Variants in ADAMTS14 observed in about 807,000 individuals in gnomAD.
ADAMTS14 encodes the protein A disintegrin and metalloproteinase with thrombospondin motifs 14.
Under a neutral mutation model 128.6 loss-of-function variants are expected in ADAMTS14, and 100 were observed. The observed-to-expected ratio is 0.78, with a 90% CI of 0.66 to 0.92. The LOEUF (loss-of-function observed/expected upper bound fraction) is 0.92, where lower values mean the gene tolerates loss of function less well. ADAMTS14 is among the 40% of genes least tolerant of loss of function. The pLI is 0.00. For synonymous variants in ADAMTS14, 665 were observed against 653.8 expected (o/e 1.02, Z -0.26); for missense variants, 1,562 against 1,658.6 (o/e 0.94, Z 1.01).
intron 2 of ADAMTS14, among the ~76,000 whole-genome samples, chr10:70,675,762 C>T (rs928180626): frequency 4.6e-5 from 7 of 152,208 alleles, no homozygotes; most frequent in Non-Finnish European, 7.3e-5. Context: ...GCTCTCATTC[C>T]CCTCGCTGCT....
At chr10:70,721,231 G>T (rs1305014485) in intron 4 of ADAMTS14, among the ~76,000 whole-genome samples, 2 of 151,608 alleles carry the variant, frequency 1.3e-5, no homozygotes, top group Admixed American at 1.3e-4. Flanking sequence ...CACCATGTTG[G>T]TAAGGCTGGT....
intron 2 of ADAMTS14, among the ~76,000 whole-genome samples, chr10:70,688,020 C>T (rs2132554888): frequency 1.6e-5 from 1 of 62,136 alleles, no homozygotes; most frequent in African/African-American, 6.3e-5. Context: ...AGACGCTCCT[C>T]ACTTCCCAGA....
At chr10:70,743,094 C>T (rs1842057177) in intron 12 of ADAMTS14, among the ~76,000 whole-genome samples, 1 of 152,180 alleles carries the variant, frequency 6.6e-6, no homozygotes, top group Non-Finnish European at 1.5e-5. Context: ...GTTCCTTAAC[C>T]TCTCTGGTCC....
At chr10:70,720,241 A>T (rs1257883740) in intron 4 of ADAMTS14, among the ~76,000 whole-genome samples, 1 of 152,204 alleles carries the variant, frequency 6.6e-6, no homozygotes, top group Non-Finnish European at 1.5e-5. Flanking sequence ...AGCCCTTTAA[A>T]ATATAGGGCA....
chr10:70,731,986 C>A (rs1273082249), intron 6 of ADAMTS14, among the ~76,000 whole-genome samples: 1 of 152,134 alleles, frequency 6.6e-6, no homozygotes, highest in East Asian at 1.9e-4. Flanking sequence ...AGTGTGTTTG[C>A]AGGCCCGGGT....
intron 2 of ADAMTS14, among the ~76,000 whole-genome samples, chr10:70,681,433 G>A (rs1292211992): frequency 2.6e-5 from 4 of 152,200 alleles, no homozygotes; most frequent in Admixed American, 2.0e-4. Flanking sequence ...AGGGAGAATG[G>A]TGAAAATGTA....
At chr10:70,739,108 G>C in intron 11 of ADAMTS14, 118 bp downstream of exon 11, 1 of 1,266,330 alleles carries the variant, frequency 7.9e-7, no homozygotes, top group East Asian at 2.5e-5. Context: ...GGGTGGTTGT[G>C]TATGCTAACG....
chr10:70,725,187 C>T (rs10762400), intron 4 of ADAMTS14, among the ~76,000 whole-genome samples: 2 of 151,786 alleles, frequency 1.3e-5, no homozygotes, highest in Non-Finnish European at 2.9e-5. Flanking sequence ...TAAGAGACTG[C>T]GGTCACTGTC....
chr10:70,693,245 A>ACAT (rs1417947444), intron 2 of ADAMTS14, among the ~76,000 whole-genome samples: 1 of 152,194 alleles, frequency 6.6e-6, no homozygotes, highest in African/African-American at 2.4e-5. Flanking sequence ...CTAACACTGG[A>ACAT]CATCACATTT....
chr10:70,761,254 C>G lies in ADAMTS14; in HGVS notation c.*401C>G, dbSNP rs1252949152. On this transcript the variant is annotated 3_prime_UTR_variant, in exon 22 of 22. Transcript: ENST00000373207. ...GAACTGTGAGGACCCCTGTGGAGGC[C>G]CTGCATATTTGGCCCCTCTCCCCAG... is the stretch of plus-strand genomic sequence containing the variant. 1 of 171,614 alleles carries G rather than the reference C, an allele frequency of 5.8e-6. No individual in the cohort carries two copies. The highest frequency in any genetic ancestry group is 1.2e-5 in the Non-Finnish European group (1 of 80,616). The allele number at this position is 171,614 out of a possible 1,614,324, so 10.6% of individuals were successfully genotyped here.
chr10:70,747,674 C>T (rs1313726725), intron 15 of ADAMTS14, among the ~76,000 whole-genome samples: 2 of 152,160 alleles, frequency 1.3e-5, no homozygotes, highest in East Asian at 3.9e-4. Flanking sequence ...TGCTAGCATC[C>T]GGGGCAGGCC....
At chr10:70,677,619 T>C (rs1043785610) in intron 2 of ADAMTS14, among the ~76,000 whole-genome samples, 1 of 152,112 alleles carries the variant, frequency 6.6e-6, no homozygotes, top group Non-Finnish European at 1.5e-5. Flanking sequence ...TGGGCTGAGC[T>C]TCAGGCTGGA....
intron 3 of ADAMTS14, 105 bp from the exon 4 acceptor site, chr10:70,708,483 G>C: frequency 2.0e-6 from 2 of 1,008,312 alleles, no homozygotes; most frequent in Non-Finnish European, 2.9e-6. Flanking sequence ...TACAGAGGCA[G>C]GGAAAGGGGC....
At chr10:70,729,442 C>G in intron 5 of ADAMTS14, 65 bp downstream of exon 5, 6 of 1,357,724 alleles carry the variant, frequency 4.4e-6, no homozygotes, top group Non-Finnish European at 6.3e-6. Context: ...AGTGTTGGAC[C>G]AGCAATGGTG....
intron 2 of ADAMTS14, among the ~76,000 whole-genome samples, chr10:70,692,412 G>A: frequency 6.6e-6 from 1 of 152,238 alleles, no homozygotes; most frequent in East Asian, 1.9e-4. Flanking sequence ...GTGCCGCACA[G>A]CTGGGAAGGA....
At chr10:70,679,632 C>A (rs1010094955) in intron 2 of ADAMTS14, among the ~76,000 whole-genome samples, 1 of 152,234 alleles carries the variant, frequency 6.6e-6, no homozygotes, top group South Asian at 2.1e-4. Flanking sequence ...TCCCCAGGCC[C>A]TGGGGCCTGA....
chr10:70,707,531 C>T (rs1234254837), intron 3 of ADAMTS14, among the ~76,000 whole-genome samples: 1 of 152,194 alleles, frequency 6.6e-6, no homozygotes, highest in African/African-American at 2.4e-5. Flanking sequence ...CTCCACCGCC[C>T]CAGCAGAGTG....
At position 70,760,670 on chromosome 10, in the gene ADAMTS14, G is replaced by A. The variant is rs750879718; in HGVS notation, c.3489G>A (p.Gln1163=). 1.9e-6 allele frequency: 3 copies of A among 1,614,168 alleles called. No homozygotes were observed. The Admixed American group carries it at 5.0e-5, about 27-fold the overall frequency. The change falls in exon 22 of 22, where the codon CAG becomes CAA. Residue 1163 remains glutamine, a synonymous_variant. Transcript: ENST00000373207. ...GALDTSSPGT[Q]HPFAPETPIP... ...TGGATACAAGCTCCCCAGGGACCCA[G>A]CATCCCTTTGCCCCTGAGACACCAA...
intron 4 of ADAMTS14, among the ~76,000 whole-genome samples, chr10:70,715,607 T>G (rs1353568316): frequency 2.0e-5 from 3 of 151,952 alleles, no homozygotes; most frequent in Non-Finnish European, 4.4e-5. Context: ...GCAGCGAAGT[T>G]TGGAAGGTAG....
Sources: allele counts gnomAD v4.1 joint callset (sites outside exome capture counted in the v4.1 genomes callset), GRCh38; gene constraint gnomAD v4.1.1; transcripts MANE v1.5; gene names NCBI Gene and HGNC (gene_info 2026-07-23, HGNC 2026-07-21).